Variants in AMPD3 observed in about 807,000 individuals in gnomAD.
AMPD3 encodes the protein AMP deaminase 3.
In AMPD3, 57 loss-of-function variants were observed where a neutral mutation model predicts 82.3. That is an observed-to-expected ratio of 0.69 (90% CI 0.56 to 0.86). The LOEUF is 0.86. AMPD3 is among the 40% of genes least tolerant of loss of function. The pLI, the probability that AMPD3 is intolerant of heterozygous loss-of-function variation, is 0.00. For synonymous variants in AMPD3, 381 were observed against 394.7 expected, an observed-to-expected ratio of 0.97 and a Z score of 0.41; for missense variants, 870 against 1,003.8, an observed-to-expected ratio of 0.87 and a Z score of 1.80.
intron 7 of AMPD3, chr11:10,494,493 A>T: frequency 1.1e-6 from 1 of 892,216 alleles, no homozygotes; most frequent in Non-Finnish European, 1.3e-6. Context: ...GTTGTGTTGT[A>T]CATGCTTTAT....
chr11:10,495,440 T>C, intron 8 of AMPD3, 130 bp from the exon 9 acceptor site: 2 of 1,561,474 alleles, frequency 1.3e-6, no homozygotes, highest in Admixed American at 1.9e-5. Flanking sequence ...GCCCTGGGGA[T>C]TTAGATGAGT....
At chr11:10,457,360 G>T (rs897721457) in intron 1 of AMPD3, among the ~76,000 whole-genome samples, 2 of 152,044 alleles carry the variant, frequency 1.3e-5, no homozygotes, top group Admixed American at 6.6e-5. Context: ...AAACAAAAAG[G>T]GTTCTGTATG....
At position 10,482,164 on chromosome 11, in the gene AMPD3, C is replaced by G. The variant is rs1354147084; in HGVS notation, c.528C>G (p.Ile176Met). 6.2e-7 allele frequency: 1 copy of G among 1,613,898 alleles called. No homozygotes were observed. The highest frequency in any genetic ancestry group is 1.7e-5 in the Admixed American group (1 of 60,008). The stretch of plus-strand genomic sequence containing the variant: ...TCGCCTACCACCGCTTCCCGCGGAT[C>G]ACATCCCAGTACCTGGGTCATCCGC... ...ARLAYHRFPR[I>M]TSQYLGHPRA... Residue 176 changes from isoleucine to methionine, a missense_variant, in exon 4 of 15, where the codon ATC becomes ATG. By Grantham distance (10) the Ile-to-Met change is conservative. Coordinates refer to ENST00000396553, the MANE Select transcript of AMPD3 (RefSeq NM_001025389.2).
At chr11:10,477,195 C>A in intron 2 of AMPD3, 1 of 800,194 alleles carries the variant, frequency 1.2e-6, no homozygotes, top group Non-Finnish European at 1.5e-6. Flanking sequence ...TTTCTTCAGG[C>A]CTGTAGGTAT....
intron 13 of AMPD3, among the ~76,000 whole-genome samples, chr11:10,503,145 T>A (rs1022573628): frequency 3.3e-5 from 5 of 152,194 alleles, no homozygotes; most frequent in African/African-American, 1.2e-4. Flanking sequence ...TCTTTGACAT[T>A]TATGAGCTCT....
At chr11:10,476,849 CAGACCAGAGA>C in intron 2 of AMPD3, 1 of 916,886 alleles carries the variant, frequency 1.1e-6, no homozygotes, top group Non-Finnish European at 1.3e-6. Context: ...TGATGGAGGA[CAGACCAGAGA>C]AAGCTGAGGC....
chr11:10,461,796 CTGTGGG>C, intron 2 of AMPD3, 56 bp downstream of exon 2: 8 of 1,524,374 alleles, frequency 5.2e-6, no homozygotes, highest in East Asian at 4.9e-5. Context: ...CCCAGGCAGG[CTGTGGG>C]TGTGTGTCCT....
rs564402605 is a variant in AMPD3, at chr11:10,460,091, A to G, written c.-5-1424A>G. ...TATATATAATATATATTTTATATAT[A>G]TATATATATTTTATTTTTAAAATTG... On this transcript the variant is annotated intron_variant, in intron 1 of 14. Transcript: ENST00000396553. Among the ~76,000 whole-genome samples the G allele has an allele frequency of 2.5e-3, 368 of 145,266 alleles. 4 individuals carry two copies. Among genetic ancestry groups the G allele is most frequent in the African/African-American group, 8.7e-3 (344 of 39,650 alleles).
chr11:10,484,986 G>A lies in AMPD3; in HGVS notation c.756G>A (p.Glu252=). The change falls in exon 5 of 15, where the codon GAG becomes GAA. Residue 252 remains glutamate, a synonymous_variant. Coordinates refer to ENST00000396553, the MANE Select transcript of AMPD3 (RefSeq NM_001025389.2). ...EPHSLPYPDL[E]TYTVDMSHIL... ...ACAGCCTACCCTACCCCGACCTGGA[G>A]ACCTACACGGTGGACATGAGCCACA... is the stretch of plus-strand genomic sequence containing the variant. 6 of 1,614,072 alleles carry A rather than the reference G, an allele frequency of 3.7e-6. No homozygotes were observed. The highest frequency in any genetic ancestry group is 5.1e-6 in the Non-Finnish European group (6 of 1,180,020).
intron 7 of AMPD3, chr11:10,494,630 G>A (rs1849337058): frequency 2.0e-6 from 2 of 985,310 alleles, no homozygotes; most frequent in African/African-American, 3.5e-5. Context: ...TGCTCACTAA[G>A]TCAGCCATGT....
At chr11:10,476,555 A>G (rs1242606299) in intron 2 of AMPD3, among the ~76,000 whole-genome samples, 1 of 151,574 alleles carries the variant, frequency 6.6e-6, no homozygotes, top group Non-Finnish European at 1.5e-5. Flanking sequence ...TCTTGTTGGT[A>G]GGACCAGACC....
At chr11:10,493,072 T>C (rs1849284464) in intron 6 of AMPD3, among the ~76,000 whole-genome samples, 1 of 152,180 alleles carries the variant, frequency 6.6e-6, no homozygotes, top group Non-Finnish European at 1.5e-5. Context: ...GATGGGCCCA[T>C]AGGTCATTTG....
intron 1 of AMPD3, among the ~76,000 whole-genome samples, chr11:10,459,367 G>A (rs918249751): frequency 6.6e-6 from 1 of 152,144 alleles, no homozygotes; most frequent in African/African-American, 2.4e-5. Context: ...CTCAGGCACC[G>A]GAAATCTCTC....
At position 10,456,413 on chromosome 11, in the gene AMPD3, G is replaced by A. The variant is rs758882761; in HGVS notation, c.-6+965G>A. On this transcript the variant is annotated intron_variant, in intron 1 of 14. Coordinates refer to ENST00000396553, the MANE Select transcript of AMPD3 (RefSeq NM_001025389.2). This position sits in a 1 kb window ranked among gnomAD's most constrained non-coding sequence, Gnocchi z 4.3. ...TGGAGCCAGGCTCAGGTCTGTGTCG[G>A]GGCTTCTGCAAGGGGAGTCTGGCAA... 2.5e-6 allele frequency: 4 copies of A among 1,613,794 alleles called. No homozygotes were observed. In the Admixed American group the frequency reaches 5.0e-5, roughly 20 times the overall value.
At chr11:10,452,622 A>G (rs1448195101), upstream of AMPD3, among the ~76,000 whole-genome samples, 1 of 152,228 alleles carries the variant, frequency 6.6e-6, no homozygotes, top group Non-Finnish European at 1.5e-5. Context: ...GTGGTGCTCA[A>G]TAAATAAGGT....
chr11:10,460,908 G>T, intron 1 of AMPD3: 1 of 985,440 alleles, frequency 1.0e-6, no homozygotes. Flanking sequence ...TGGGTAAAGA[G>T]TGTTCTAAAA....
chr11:10,488,994 T>C (rs2133908118), intron 6 of AMPD3, among the ~76,000 whole-genome samples: 1 of 152,300 alleles, frequency 6.6e-6, no homozygotes, highest in African/African-American at 2.4e-5. Context: ...CCCACTTGGA[T>C]GGGATCAAGA....
At chr11:10,502,410 T>C (rs1230800108) in intron 12 of AMPD3, 3 of 985,276 alleles carry the variant, frequency 3.0e-6, no homozygotes, top group African/African-American at 1.7e-5. Context: ...GAGCTGAAGG[T>C]GTAGGCTGGA....
At chr11:10,496,108 G>C in intron 9 of AMPD3, 1 of 463,508 alleles carries the variant, frequency 2.2e-6, no homozygotes, top group Non-Finnish European at 2.8e-6. Context: ...GTAGAGATGG[G>C]GTTTCACCAT....
Sources: gnomAD v4.1 joint callset for allele counts (sites outside exome capture counted in the v4.1 genomes callset) on GRCh38, gnomAD v4.1.1 for gene constraint, Gnocchi (gnomAD v3.1) non-coding constraint, MANE v1.5 for transcripts, NCBI Gene and HGNC (gene_info 2026-07-23, HGNC 2026-07-21) for gene names.